Variants in FIG4 observed in about 807,000 individuals in gnomAD.
The protein encoded by FIG4 is FIG4 phosphoinositide 5-phosphatase.
FIG4 carries 112 observed loss-of-function variants against 118.6 expected under a neutral mutation model. That is an observed-to-expected ratio of 0.94 (90% CI 0.81 to 1.11). FIG4 has a LOEUF of 1.11. Among genes scored for constraint, FIG4 ranks in the 50% least tolerant of loss-of-function variants. The pLI is 0.00. For missense variants in FIG4, 969 were observed against 1,111.7 expected (o/e 0.87, Z 1.83); for synonymous variants, 369 against 381.2 (o/e 0.97, Z 0.37).
intron 1 of FIG4, among the ~76,000 whole-genome samples, chr6:109,694,435 C>G (rs1017652603): frequency 2.6e-5 from 4 of 152,142 alleles, no homozygotes; most frequent in Non-Finnish European, 4.4e-5. Flanking sequence ...CACAGATCAA[C>G]TTAAAATGGA....
chr6:109,792,804 A>G lies in FIG4; in HGVS notation c.2459+140A>G. 5.3e-6 allele frequency: 3 copies of G among 567,940 alleles called. No homozygotes were observed. In the South Asian group the frequency reaches 6.0e-5, roughly 11 times the overall value. The allele number at this position is 567,940 out of a possible 1,614,324, so 35.2% of individuals were successfully genotyped here. On this transcript the variant is annotated intron_variant, in intron 21 of 22. Coordinates refer to ENST00000230124, the MANE Select transcript of FIG4 (RefSeq NM_014845.6). ...GCCCAGGCTGTAGTGCAGTGGTATG[A>G]TCTCGGCTCCTGAGTAGCTGGGATT...
chr6:109,765,474 C>T (rs1385573626), intron 14 of FIG4, among the ~76,000 whole-genome samples: 14 of 151,950 alleles, frequency 9.2e-5, no homozygotes, highest in African/African-American at 3.1e-4. Flanking sequence ...GTGTCCTTTC[C>T]CCAGTGGATG....
chr6:109,728,986 T>C (rs775394613), intron 4 of FIG4, among the ~76,000 whole-genome samples: 6 of 152,184 alleles, frequency 3.9e-5, no homozygotes, highest in Admixed American at 1.3e-4. Context: ...GATACAATTA[T>C]ATTAATAGTT....
At chr6:109,708,488 A>G (rs1272580226) in intron 1 of FIG4, among the ~76,000 whole-genome samples, 2 of 152,224 alleles carry the variant, frequency 1.3e-5, no homozygotes, top group African/African-American at 4.8e-5. Context: ...ATACCCAGTA[A>G]TGGGATTGCT....
intron 2 of FIG4, among the ~76,000 whole-genome samples, chr6:109,716,126 A>C (rs1195231410): frequency 6.6e-6 from 1 of 152,122 alleles, no homozygotes. Flanking sequence ...CATTTACTCA[A>C]AATTTTGCAC....
chr6:109,778,632 T>C (rs35299411), intron 16 of FIG4, among the ~76,000 whole-genome samples: 39,267 of 151,234 alleles, frequency 0.26, 6,612 homozygotes, highest in Non-Finnish European at 0.39. Context: ...AGAGCCTCAC[T>C]CTGTGGCCCA....
At chr6:109,822,032 C>A (rs555060579) in intron 22 of FIG4, among the ~76,000 whole-genome samples, 1 of 152,026 alleles carries the variant, frequency 6.6e-6, no homozygotes, top group East Asian at 1.9e-4. Flanking sequence ...ACAGGAAGAC[C>A]CTGTGTCTTA....
intron 10 of FIG4, among the ~76,000 whole-genome samples, chr6:109,746,791 G>T (rs924835795): frequency 1.3e-5 from 2 of 152,144 alleles, no homozygotes; most frequent in Non-Finnish European, 2.9e-5. Flanking sequence ...CAAGGCTAAT[G>T]TCAATGCTGG....
intron 20 of FIG4, 129 bp downstream of exon 20, chr6:109,791,700 G>A: frequency 1.3e-6 from 1 of 777,338 alleles, no homozygotes. Context: ...TTGAGGCACT[G>A]CATAAGATGA....
intron 22 of FIG4, among the ~76,000 whole-genome samples, chr6:109,801,882 A>T (rs553779932): frequency 3.9e-5 from 6 of 152,358 alleles, no homozygotes; most frequent in African/African-American, 1.4e-4. Context: ...AACTTTGTAG[A>T]TACTGCTGTG....
intron 3 of FIG4, 34 bp downstream of exon 3, chr6:109,716,602 GT>G (rs1269222572): frequency 3.1e-6 from 5 of 1,611,900 alleles, no homozygotes; most frequent in Non-Finnish European, 4.2e-6. Context: ...ACAATCTCTT[GT>G]TTTTTGTTTT....
At chr6:109,777,335 A>C (rs1330233171) in intron 16 of FIG4, among the ~76,000 whole-genome samples, 9 of 152,198 alleles carry the variant, frequency 5.9e-5, no homozygotes, top group African/African-American at 2.2e-4. Flanking sequence ...CATGCTTGCC[A>C]TGAGTTCCGT....
rs140331779 is a variant in FIG4, at chr6:109,727,147, A to G, written c.328A>G (p.Ile110Val). ...RFLEGYYIVLITKRRKMADIG... is the reference protein window; with the variant it reads ...RFLEGYYIVLVTKRRKMADIG... ...CTTAGAAGGCTATTATATTGTGTTA[A>G]TAACTAAAAGGAGGAAGATGGCGGA... Residue 110 changes from isoleucine to valine, a missense_variant, in exon 4 of 23, where the codon ATA becomes GTA. Physicochemically the swap from Ile to Val is conservative, Grantham distance 29. Transcript: ENST00000230124. 2.4e-5 allele frequency: 38 copies of G among 1,611,808 alleles called. No individual in the cohort carries two copies. In the African/African-American group the frequency reaches 4.8e-4, roughly 20 times the overall value.
At chr6:109,796,533 C>A (rs1371982377) in intron 21 of FIG4, among the ~76,000 whole-genome samples, 2 of 152,204 alleles carry the variant, frequency 1.3e-5, no homozygotes, top group Non-Finnish European at 2.9e-5. Flanking sequence ...CATTTGATTT[C>A]ATTCTTTTAT....
At chr6:109,793,170 A>G (rs1254793381) in intron 21 of FIG4, among the ~76,000 whole-genome samples, 1 of 152,240 alleles carries the variant, frequency 6.6e-6, no homozygotes, top group African/African-American at 2.4e-5. Context: ...GCATGCAGGT[A>G]TCTGCACTGC....
In FIG4 at chr6:109,789,333, T is replaced by G. The variant is rs539601093; in HGVS notation, c.2097-261T>G. ...CAGTTAAGACTGATAACATTGAAAT[T>G]ATCTAGTGCTGTTAATTAATGGTTT... is the stretch of plus-strand genomic sequence containing the variant. On this transcript the variant is annotated intron_variant, in intron 18 of 22. Coordinates refer to ENST00000230124, the MANE Select transcript of FIG4 (RefSeq NM_014845.6). Among the ~76,000 whole-genome samples the G allele has an allele frequency of 3.3e-5, 5 of 152,300 alleles. 1 individual carries two copies. In the South Asian group the frequency reaches 1.0e-3, roughly 32 times the overall value.
At chr6:109,799,340 A>G (rs1469417489) in intron 22 of FIG4, among the ~76,000 whole-genome samples, 1 of 152,232 alleles carries the variant, frequency 6.6e-6, no homozygotes, top group Non-Finnish European at 1.5e-5. Context: ...GCAACTGCCC[A>G]AGAATGTTTT....
intron 10 of FIG4, among the ~76,000 whole-genome samples, chr6:109,758,629 G>A (rs1045019434): frequency 6.6e-6 from 1 of 152,152 alleles, no homozygotes; most frequent in Admixed American, 6.5e-5. Context: ...AAACTAAAGA[G>A]CTTCTGCACA....
At chr6:109,778,653 C>T (rs1403050251) in intron 16 of FIG4, among the ~76,000 whole-genome samples, 3 of 151,850 alleles carry the variant, frequency 2.0e-5, no homozygotes, top group Admixed American at 6.6e-5. Flanking sequence ...GGCTGGAGTG[C>T]AGTGGCGCGA....
Sources: allele counts gnomAD v4.1 joint callset (sites outside exome capture counted in the v4.1 genomes callset), GRCh38; gene constraint gnomAD v4.1.1; transcripts MANE v1.5; gene names NCBI Gene and HGNC (gene_info 2026-07-23, HGNC 2026-07-21).